RIPK1: variants seen among roughly 807,000 people sequenced by gnomAD.
RIPK1 encodes the protein receptor-interacting serine/threonine-protein kinase 1.
A neutral mutation model predicts 62.4 loss-of-function variants in RIPK1; 27 were observed. That is an observed-to-expected ratio of 0.43 (90% CI 0.32 to 0.60). RIPK1 has a LOEUF of 0.60. Among genes scored for constraint, RIPK1 ranks in the 20% least tolerant of loss-of-function variants. The probability of loss-of-function intolerance (pLI) is 0.07; values close to 1 mark genes in which losing one functional copy is unlikely to be tolerated. For synonymous variants in RIPK1, 287 were observed against 303.2 expected, an observed-to-expected ratio of 0.95 and a Z score of 0.55; for missense variants, 735 against 831.0, an observed-to-expected ratio of 0.88 and a Z score of 1.42.
rs745666998 is a variant in RIPK1 at position 3,076,918 on chromosome 6, C to T, written c.95C>T (p.Ser32Phe). 51 of 1,611,818 alleles carry T rather than the reference C, an allele frequency of 3.2e-5. No individual in the cohort carries two copies. Among genetic ancestry groups the T allele is most frequent in the Non-Finnish European group, 4.0e-5 (47 of 1,178,722 alleles). The change falls in exon 2 of 11, where the codon TCT becomes TTT. Residue 32 changes from serine to phenylalanine, a missense_variant. Ser to Phe is a radical substitution (Grantham distance 155, BLOSUM62 -2). This residue lies in a region of RIPK1 where 671 missense variants were observed against 726.2 expected (regional missense o/e 0.92). Transcript: ENST00000259808. The part of the protein sequence containing the change: ...ELDSGGFGKV[S>F]LCFHRTQGLM... ...GACAGCGGAGGCTTTGGGAAGGTGT[C>T]TCTGTGTTTCCACAGAACCCAGGGA...
At chr6:3,090,759 AGC>A (rs1486764980) in intron 7 of RIPK1, among the ~76,000 whole-genome samples, 9 of 151,612 alleles carry the variant, frequency 5.9e-5, no homozygotes, top group South Asian at 2.1e-4. Flanking sequence ...TAATAACCGC[AGC>A]GCACCTACCT....
intron 7 of RIPK1, among the ~76,000 whole-genome samples, chr6:3,099,634 A>G (rs1404552511): frequency 6.6e-6 from 1 of 152,250 alleles, no homozygotes; most frequent in African/African-American, 2.4e-5. Flanking sequence ...CATACTTCAG[A>G]AAAGATATTT....
chr6:3,066,742 A>G (rs1232679985), upstream of RIPK1, among the ~76,000 whole-genome samples: 1 of 152,206 alleles, frequency 6.6e-6, no homozygotes, highest in East Asian at 1.9e-4. Context: ...AATATGGATA[A>G]AACATATACA....
At position 3,081,092 on chromosome 6, in the gene RIPK1, T is replaced by G. The variant is rs1471005334; in HGVS notation, c.435T>G (p.Leu145=). Residue 145 remains leucine (L), a synonymous_variant, in exon 4 of 11, where the codon CTT becomes CTG. Coordinates refer to ENST00000259808, the MANE Select transcript of RIPK1 (RefSeq NM_001354930.2). The part of the protein sequence containing the change: ...IHKDLKPENI[L]VDNDFHIKIA... ...AGGACCTGAAGCCTGAAAATATCCT[T>G]GTTGATAATGACTTCCACATTAAGG... 1.2e-6 allele frequency: 2 copies of G among 1,614,130 alleles called. No individual in the cohort carries two copies. The highest frequency in any genetic ancestry group is 1.7e-6 in the Non-Finnish European group (2 of 1,179,992).
chr6:3,066,654 C>T (rs1012078893), upstream of RIPK1, among the ~76,000 whole-genome samples: 4 of 152,094 alleles, frequency 2.6e-5, no homozygotes, highest in African/African-American at 9.7e-5. Flanking sequence ...CCTCCCCTAC[C>T]ATCAACATCC....
chr6:3,111,044 A>G (rs1761131901), intron 10 of RIPK1, 89 bp downstream of exon 10: 2 of 919,578 alleles, frequency 2.2e-6, no homozygotes, highest in Non-Finnish European at 3.1e-6. Context: ...AATTTCTCTG[A>G]TAATTCTTCT....
chr6:3,089,463 T>G, intron 6 of RIPK1, 118 bp from the exon 7 acceptor site: 1 of 651,624 alleles, frequency 1.5e-6, no homozygotes. Context: ...GAGCTTAAAT[T>G]TTTATTTAAG....
At position 3,110,914 on chromosome 6, in the gene RIPK1, A is replaced by T; in HGVS notation, c.1688A>T (p.Asn563Ile). ...SSSLLDSTNT[N>I]FKEEPAAKYQ... is the part of the protein sequence containing the mutation. ...TCACTACTAGACAGCACAAATACGA[A>T]CTTCAAAGAAGAGCCAGCTGCTAAG... Residue 563 changes from asparagine to isoleucine, a missense_variant, in exon 10 of 11, where the codon AAC becomes ATC. Transcript: ENST00000259808. 6.2e-7 allele frequency: 1 copy of T among 1,613,486 alleles called. No individual in the cohort carries two copies. Among genetic ancestry groups the T allele is most frequent in the Non-Finnish European group, 8.5e-7 (1 of 1,179,692 alleles).
At chr6:3,098,530 T>A (rs984856773) in intron 7 of RIPK1, among the ~76,000 whole-genome samples, 12 of 152,312 alleles carry the variant, frequency 7.9e-5, no homozygotes, top group Middle Eastern at 3.4e-3. Flanking sequence ...CTTGACATAC[T>A]AAAGCTGTCT....
chr6:3,083,138 A>G lies in RIPK1; in HGVS notation c.513A>G (p.Glu171=), dbSNP rs1200090633. The change falls in exon 5 of 11, where the codon GAA becomes GAG. Residue 171 remains glutamate (E), a synonymous_variant. Transcript: ENST00000259808. ...SFKMWSKLNN[E]EHNELREVDG... is the part of the protein sequence containing the mutation. ...AGATGTGGAGCAAACTGAATAATGA[A>G]GAGCACAATGAGCTGAGGGAAGTGG... 4 of 1,613,952 alleles carry G rather than the reference A, an allele frequency of 2.5e-6. No individual in the cohort carries two copies. Among genetic ancestry groups the G allele is most frequent in the African/African-American group, 1.3e-5 (1 of 74,918 alleles).
chr6:3,077,509 T>G (rs565023462), intron 2 of RIPK1, among the ~76,000 whole-genome samples: 1 of 152,150 alleles, frequency 6.6e-6, no homozygotes, highest in Non-Finnish European at 1.5e-5. Context: ...CAGGTTACCT[T>G]GCTGCTGTTC....
At chr6:3,100,606 T>C (rs760967229) in intron 7 of RIPK1, among the ~76,000 whole-genome samples, 4 of 152,096 alleles carry the variant, frequency 2.6e-5, no homozygotes, top group Non-Finnish European at 5.9e-5. Context: ...TTTGGTTTTC[T>C]TTTTGAGACG....
rs1156275889 is a variant in RIPK1, at chr6:3,105,495, T to C, written c.1020T>C (p.Pro340=). 1 of 1,549,476 alleles carries C rather than the reference T, an allele frequency of 6.5e-7. No homozygotes were observed. Among genetic ancestry groups the C allele is most frequent in the Non-Finnish European group, 8.7e-7 (1 of 1,153,404 alleles). The part of the protein sequence containing the change: ...SSRSNSATEQ[P]GSLHSSQGLG... ...ATTTCTTCTCAGCCACAGAACAGCC[T>C]GGTTCACTGCACAGTTCCCAGGGAC... Residue 340 remains proline (P), a synonymous_variant, in exon 9 of 11, where the codon CCT becomes CCC. Transcript: ENST00000259808. The surrounding 1 kb of genome is among the most constrained non-coding windows in gnomAD (Gnocchi z 4.5).
At chr6:3,110,118 T>C (rs979773305) in intron 9 of RIPK1, among the ~76,000 whole-genome samples, 1 of 152,132 alleles carries the variant, frequency 6.6e-6, no homozygotes, top group Non-Finnish European at 1.5e-5. Context: ...TTCAACACCC[T>C]GTTTTAGTTC....
At chr6:3,081,555 A>G (rs2113598645) in intron 4 of RIPK1, among the ~76,000 whole-genome samples, 1 of 152,188 alleles carries the variant, frequency 6.6e-6, no homozygotes, top group Non-Finnish European at 1.5e-5. Context: ...TAGAGTTCAG[A>G]TATGGCCTAA....
intron 3 of RIPK1, 58 bp from the exon 4 acceptor site, chr6:3,080,921 T>C (rs1480207116): frequency 2.6e-6 from 4 of 1,549,950 alleles, no homozygotes; most frequent in Non-Finnish European, 3.5e-6. Context: ...CATGAAACAG[T>C]TGCTTTGGCC....
At chr6:3,103,198 TTTG>T (rs1209783000) in intron 7 of RIPK1, among the ~76,000 whole-genome samples, 1 of 152,122 alleles carries the variant, frequency 6.6e-6, no homozygotes, top group Non-Finnish European at 1.5e-5. Flanking sequence ...TTGTTTGTTT[TTTG>T]TTGTTGAGTT....
chr6:3,088,343 G>A (rs756799183), intron 6 of RIPK1, among the ~76,000 whole-genome samples: 18 of 152,218 alleles, frequency 1.2e-4, no homozygotes, highest in Admixed American at 2.6e-4. Flanking sequence ...TGACACAGAG[G>A]TGAAGGTACC....
At chr6:3,074,040 T>A (rs1335101456) in intron 1 of RIPK1, among the ~76,000 whole-genome samples, 1 of 152,222 alleles carries the variant, frequency 6.6e-6, no homozygotes, top group Non-Finnish European at 1.5e-5. Flanking sequence ...TAGAGTTCAA[T>A]ATGTTTACAG....
Sources: allele counts gnomAD v4.1 joint callset (sites outside exome capture counted in the v4.1 genomes callset), GRCh38; gene constraint gnomAD v4.1.1; regional missense constraint gnomAD v4.1.1; non-coding constraint Gnocchi (gnomAD v3.1); transcripts MANE v1.5; gene names NCBI Gene and HGNC (gene_info 2026-07-23, HGNC 2026-07-21).